The following TDRP variants were observed in gnomAD, a reference collection of about 807,000 sequenced individuals.
TDRP encodes testis development related protein.
TDRP carries 12 observed loss-of-function variants against 10.5 expected under a neutral mutation model. The ratio of observed to expected loss-of-function variants is 1.15; its 90% CI spans 0.73 to 1.86. TDRP has a LOEUF of 1.86. Among genes scored for constraint, TDRP ranks in the 40% most tolerant of loss-of-function variants. The pLI is 0.00. For missense variants in TDRP, 353 were observed against 229.2 expected (o/e 1.54, Z -3.49); for synonymous variants, 139 against 95.4 (o/e 1.46, Z -2.67).
At chr8:507,172 A>G (rs1801490085) in intron 1 of TDRP, among the ~76,000 whole-genome samples, 1 of 152,164 alleles carries the variant, frequency 6.6e-6, no homozygotes, top group South Asian at 2.1e-4. Context: ...CTCACTCACT[A>G]TCATGAGAAC....
rs778105300 is a variant in TDRP, at chr8:494,560, G to A, written c.146C>T (p.Thr49Ile). ...CTCATCATCTTTGTTAAACAGTGAAGTCACTTCTTTCCAACCTCGGAAACT... is the reference window on the plus strand; with the variant it reads ...CTCATCATCTTTGTTAAACAGTGAAATCACTTCTTTCCAACCTCGGAAACT... ...GASFRGWKEV[T>I]SLFNKDDEQH... Residue 49 changes from threonine (T) to isoleucine (I), a missense_variant, in exon 2 of 3, where the codon ACT becomes ATT. Transcript: ENST00000324079. 5 of 1,613,814 alleles carry A rather than the reference G, an allele frequency of 3.1e-6. No individual in the cohort carries two copies. Among genetic ancestry groups the A allele is most frequent in the African/African-American group, 2.7e-5 (2 of 74,910 alleles).
At chr8:533,254 G>A (rs1014314168) in intron 1 of TDRP, among the ~76,000 whole-genome samples, 2 of 152,152 alleles carry the variant, frequency 1.3e-5, no homozygotes, top group Non-Finnish European at 2.9e-5. Flanking sequence ...TCACTGCTGG[G>A]CTCCTCAACT....
intron 1 of TDRP, among the ~76,000 whole-genome samples, chr8:507,484 T>G (rs1801498043): frequency 6.6e-6 from 1 of 152,138 alleles, no homozygotes; most frequent in Admixed American, 6.5e-5. Context: ...CCCAGGACAT[T>G]TTTTAAACCA....
chr8:528,529 C>T (rs1035292566), intron 1 of TDRP, among the ~76,000 whole-genome samples: 9 of 149,836 alleles, frequency 6.0e-5, no homozygotes, highest in African/African-American at 2.2e-4. Flanking sequence ...TCAACATCAA[C>T]ATACAAAAAT....
Position 493,033 on chromosome 8 carries a change from T to C in TDRP, c.213-289A>G, listed in dbSNP as rs184681224. ...CACACAAGAGAGAACCTCAAGGCAA[T>C]AGGAAGGTGGTACTCAAGATTTTGA... On this transcript the variant is annotated intron_variant, in intron 2 of 2. Coordinates refer to ENST00000324079, the MANE Select transcript of TDRP (RefSeq NM_001384899.1). 7.0e-4 allele frequency among the ~76,000 whole-genome samples: 106 copies of C among 152,158 alleles called. 1 individual carries two copies. Among genetic ancestry groups the C allele is most frequent in the South Asian group, 5.2e-3 (25 of 4,804 alleles).
intron 1 of TDRP, among the ~76,000 whole-genome samples, chr8:514,192 C>T (rs1261159877): frequency 6.6e-6 from 1 of 152,122 alleles, no homozygotes; most frequent in Non-Finnish European, 1.5e-5. Flanking sequence ...TTCAAACTTA[C>T]CACAAAGCAA....
rs1800971589 is a variant in TDRP at position 491,489 on chromosome 8, G to T, written c.*910C>A. ...CGATTATTCTTGTGGAAAAAACACA[G>T]CTTCTTACAGATCTAACACCAATCA... On this transcript the variant is annotated 3_prime_UTR_variant, in exon 3 of 3. Coordinates refer to ENST00000324079, the MANE Select transcript of TDRP (RefSeq NM_001384899.1). 2.2e-6 allele frequency: 2 copies of T among 926,994 alleles called. No homozygotes were observed. The highest frequency in any genetic ancestry group is 3.0e-6 in the Non-Finnish European group (2 of 667,764). 57.4% of individuals were successfully genotyped at this position (926,994 alleles called of 1,614,324 possible).
chr8:533,748 A>C (rs922278644), intron 1 of TDRP, among the ~76,000 whole-genome samples: 1 of 152,148 alleles, frequency 6.6e-6, no homozygotes, highest in Non-Finnish European at 1.5e-5. Flanking sequence ...TTCATTTTCT[A>C]TCCCCCTCCC....
At chr8:497,632 G>T (rs1281543243) in intron 1 of TDRP, among the ~76,000 whole-genome samples, 1 of 152,190 alleles carries the variant, frequency 6.6e-6, no homozygotes, top group Admixed American at 6.5e-5. Flanking sequence ...AGAAATTCAA[G>T]CTGCCAGCTG....
In TDRP at chr8:503,817, T is replaced by A. The variant is rs770258112; in HGVS notation, c.109-9220A>T. On this transcript the variant is annotated intron_variant, in intron 1 of 2. Transcript: ENST00000324079. ...ATGCCCACCTCAGCACGCGTCAATATGGAATCAAGAGCCACACACTGGAAC... is the reference window on the plus strand; with the variant it reads ...ATGCCCACCTCAGCACGCGTCAATAAGGAATCAAGAGCCACACACTGGAAC... Among the ~76,000 whole-genome samples the A allele has an allele frequency of 3.1e-4, 37 of 118,808 alleles. 1 individual carries two copies. Among genetic ancestry groups the A allele is most frequent in the Non-Finnish European group, 5.2e-4 (29 of 56,056 alleles). 77.9% of individuals were successfully genotyped at this position (118,808 alleles called of 152,430 possible). A position where few individuals can be genotyped will look rare whatever the true frequency, so the allele number is the denominator to read the frequency against.
At chr8:535,490 T>C (rs1159090813) in intron 1 of TDRP, among the ~76,000 whole-genome samples, 1 of 152,084 alleles carries the variant, frequency 6.6e-6, no homozygotes, top group East Asian at 1.9e-4. Context: ...AAAGGAAGTG[T>C]CCCTGGTCCG....
At chr8:540,842 T>C (rs1382091914) in intron 1 of TDRP, among the ~76,000 whole-genome samples, 1 of 149,360 alleles carries the variant, frequency 6.7e-6, no homozygotes, top group African/African-American at 2.5e-5. Context: ...TGTAACCTGA[T>C]GTTCAAGAAA....
chr8:521,638 T>C (rs1044781029), intron 1 of TDRP, among the ~76,000 whole-genome samples: 2 of 152,244 alleles, frequency 1.3e-5, no homozygotes, highest in Non-Finnish European at 2.9e-5. Context: ...ACTGTACTTG[T>C]ATAATTTGTT....
intron 1 of TDRP, among the ~76,000 whole-genome samples, chr8:539,125 T>G (rs1057018098): frequency 6.6e-6 from 1 of 152,212 alleles, no homozygotes; most frequent in Non-Finnish European, 1.5e-5. Context: ...GAAATGCAAT[T>G]GCTGTGGACT....
At chr8:526,866 C>T (rs1802048779) in intron 1 of TDRP, among the ~76,000 whole-genome samples, 1 of 152,058 alleles carries the variant, frequency 6.6e-6, no homozygotes, top group Admixed American at 6.5e-5. Flanking sequence ...AGCAATCAGA[C>T]ACCAGAAAAA....
intron 1 of TDRP, among the ~76,000 whole-genome samples, chr8:535,952 A>G (rs1038522294): frequency 8.5e-5 from 13 of 152,188 alleles, no homozygotes; most frequent in Non-Finnish European, 1.5e-4. Context: ...ACTGACTCAC[A>G]AAGTGAAACC....
At chr8:500,477 G>A (rs1801260085) in intron 1 of TDRP, among the ~76,000 whole-genome samples, 1 of 152,098 alleles carries the variant, frequency 6.6e-6, no homozygotes, top group African/African-American at 2.4e-5. Flanking sequence ...AACTGAACCT[G>A]CCAATCTTCA....
intron 1 of TDRP, among the ~76,000 whole-genome samples, chr8:523,525 T>C (rs938092979): frequency 6.6e-6 from 1 of 152,148 alleles, no homozygotes; most frequent in Non-Finnish European, 1.5e-5. Context: ...CCTTCCTACT[T>C]GGATGGCATT....
chr8:506,524 G>T (rs892716922), intron 1 of TDRP, among the ~76,000 whole-genome samples: 2 of 152,190 alleles, frequency 1.3e-5, no homozygotes, highest in East Asian at 3.9e-4. Context: ...CCCCACTCCC[G>T]GGAAGGAGGC....
Sources: gnomAD v4.1 joint callset for allele counts (sites outside exome capture counted in the v4.1 genomes callset) on GRCh38, gnomAD v4.1.1 for gene constraint, MANE v1.5 for transcripts, NCBI Gene and HGNC (gene_info 2026-07-23, HGNC 2026-07-21) for gene names.